The following MYO3B variants were observed in gnomAD, a reference collection of about 807,000 sequenced individuals.
The protein encoded by MYO3B is myosin IIIB, also known as myosin-IIIb.
In MYO3B, 156 loss-of-function variants were observed where a neutral mutation model predicts 174.6. That is an observed-to-expected ratio of 0.89 (90% CI 0.78 to 1.02). The LOEUF is 1.02. Among genes scored for constraint, MYO3B ranks in the 50% least tolerant of loss-of-function variants. MYO3B has a pLI of 0.00. For missense variants in MYO3B, 1,632 were observed against 1,639.4 expected (o/e 1.00, Z 0.08); for synonymous variants, 563 against 569.1 (o/e 0.99, Z 0.15).
intron 6 of MYO3B, among the ~76,000 whole-genome samples, chr2:170,223,575 C>G (rs779121345): frequency 4.7e-4 from 72 of 152,270 alleles, no homozygotes; most frequent in Non-Finnish European, 8.4e-4. Flanking sequence ...TAAGGGATTT[C>G]CAATGTAACC....
intron 32 of MYO3B, among the ~76,000 whole-genome samples, chr2:170,585,097 TGG>T (rs1294040898): frequency 5.9e-5 from 9 of 152,234 alleles, no homozygotes; most frequent in Non-Finnish European, 1.3e-4. Flanking sequence ...GTAATTGTTC[TGG>T]GGTGTGGCCT....
chr2:170,491,577 C>T (rs1001227772), intron 25 of MYO3B, among the ~76,000 whole-genome samples: 1 of 152,212 alleles, frequency 6.6e-6, no homozygotes, highest in Non-Finnish European at 1.5e-5. Flanking sequence ...AGGTGCCCGC[C>T]ACCATGCCCG....
chr2:170,358,075 C>G (rs2094135682), intron 8 of MYO3B, among the ~76,000 whole-genome samples: 1 of 151,742 alleles, frequency 6.6e-6, no homozygotes, highest in African/African-American at 2.4e-5. Context: ...TCACTTGAAC[C>G]TGGGAGGCAG....
At chr2:170,283,105 G>A (rs1284496646) in intron 7 of MYO3B, among the ~76,000 whole-genome samples, 2 of 152,158 alleles carry the variant, frequency 1.3e-5, no homozygotes, top group Non-Finnish European at 2.9e-5. Context: ...TCTCAAAATC[G>A]TGCTGTGCTG....
At chr2:170,269,911 C>T (rs1255580899) in intron 7 of MYO3B, among the ~76,000 whole-genome samples, 1 of 152,140 alleles carries the variant, frequency 6.6e-6, no homozygotes, top group African/African-American at 2.4e-5. Context: ...CGGTGAGGAG[C>T]AGGGCAGGAA....
chr2:170,353,048 CT>C (rs2094089306), intron 8 of MYO3B, among the ~76,000 whole-genome samples: 1 of 152,158 alleles, frequency 6.6e-6, no homozygotes. Flanking sequence ...AGCAATCGCC[CT>C]TTTTAATATT....
intron 7 of MYO3B, among the ~76,000 whole-genome samples, chr2:170,291,085 C>A (rs1184725679): frequency 1.3e-5 from 2 of 151,962 alleles, no homozygotes; most frequent in African/African-American, 4.8e-5. Context: ...CCCGTCTCTA[C>A]TAAAAATACA....
At chr2:170,625,107 TTTTCCATTGA>T (rs1267512694) in intron 32 of MYO3B, among the ~76,000 whole-genome samples, 2 of 152,360 alleles carry the variant, frequency 1.3e-5, no homozygotes, top group Admixed American at 6.5e-5. Context: ...GATTTCGTCT[TTTTCCATTGA>T]TTGGAATAGT....
intron 25 of MYO3B, among the ~76,000 whole-genome samples, chr2:170,482,280 G>A (rs906258176): frequency 1.3e-5 from 2 of 151,824 alleles, no homozygotes; most frequent in Non-Finnish European, 2.9e-5. Flanking sequence ...TCAGCCTCTC[G>A]AGTAGCTGGG....
chr2:170,241,130 G>T (rs1305703613), intron 7 of MYO3B, among the ~76,000 whole-genome samples: 10 of 146,142 alleles, frequency 6.8e-5, no homozygotes, highest in Admixed American at 1.4e-4. Flanking sequence ...TTATTTATTT[G>T]TTTTTTTTTT....
At chr2:170,486,316 T>TG (rs1405300358) in intron 25 of MYO3B, among the ~76,000 whole-genome samples, 2 of 149,202 alleles carry the variant, frequency 1.3e-5, no homozygotes, top group African/African-American at 2.5e-5. Flanking sequence ...TTTTTTTTTT[T>TG]TTTTTGAGAT....
intron 22 of MYO3B, among the ~76,000 whole-genome samples, chr2:170,436,552 T>G (rs190381049): frequency 8.9e-4 from 136 of 152,346 alleles, no homozygotes; most frequent in Middle Eastern, 3.4e-3. Flanking sequence ...GAGAAAACAT[T>G]TGGACATCTT....
intron 3 of MYO3B, among the ~76,000 whole-genome samples, chr2:170,204,789 G>T (rs1188630368): frequency 6.6e-6 from 1 of 152,156 alleles, no homozygotes. Flanking sequence ...AACCCTCAGG[G>T]CTGGGGTGGG....
chr2:170,407,609 TG>T, intron 21 of MYO3B, 105 bp from the exon 22 acceptor site: 1 of 522,768 alleles, frequency 1.9e-6, no homozygotes, highest in Non-Finnish European at 3.0e-6. Flanking sequence ...TATGTAAAGA[TG>T]AGTTCTATAT....
At chr2:170,419,248 C>G (rs527618267) in intron 22 of MYO3B, among the ~76,000 whole-genome samples, 1 of 152,298 alleles carries the variant, frequency 6.6e-6, no homozygotes, top group African/African-American at 2.4e-5. Context: ...ATAAAGAGGT[C>G]TAGGAAACTC....
chr2:170,643,684 T>C (rs1237767339), intron 32 of MYO3B: 2 of 152,208 alleles, frequency 1.3e-5, no homozygotes, highest in Non-Finnish European at 2.9e-5. Context: ...GGCAATCAGA[T>C]CAGCAATCAC....
intron 30 of MYO3B, among the ~76,000 whole-genome samples, chr2:170,535,479 T>C (rs372071543): frequency 2.6e-5 from 4 of 152,212 alleles, no homozygotes; most frequent in Non-Finnish European, 4.4e-5. Flanking sequence ...TTTCTAGAAC[T>C]GAATGTTAGT....
At chr2:170,493,651 G>A (rs369966473) in intron 25 of MYO3B, among the ~76,000 whole-genome samples, 7 of 152,196 alleles carry the variant, frequency 4.6e-5, no homozygotes, top group African/African-American at 9.6e-5. Flanking sequence ...CTAAGGAATC[G>A]AAGAATATAG....
chr2:170,204,585 A>G (rs2105346673), intron 3 of MYO3B, among the ~76,000 whole-genome samples: 1 of 152,388 alleles, frequency 6.6e-6, no homozygotes, highest in African/African-American at 2.4e-5. Flanking sequence ...CGTTTTGGAA[A>G]ATAGATGTGG....
Sources: allele counts gnomAD v4.1 joint callset (sites outside exome capture counted in the v4.1 genomes callset), GRCh38; gene constraint gnomAD v4.1.1; transcripts MANE v1.5; gene names NCBI Gene and HGNC (gene_info 2026-07-23, HGNC 2026-07-21).